LIN54: variants seen among roughly 807,000 people sequenced by gnomAD.
The protein encoded by LIN54 is protein lin-54 homolog.
LIN54 carries 9 observed loss-of-function variants against 78.7 expected under a neutral mutation model. The ratio of observed to expected loss-of-function variants is 0.11; its 90% CI spans 0.07 to 0.20. LIN54 has a LOEUF of 0.20. Among genes scored for constraint, LIN54 ranks in the 10% least tolerant of loss-of-function variants. The probability of loss-of-function intolerance (pLI) is 1.00; values close to 1 mark genes in which losing one functional copy is unlikely to be tolerated. For synonymous variants in LIN54, 269 were observed against 318.4 expected, an observed-to-expected ratio of 0.84 and a Z score of 1.65; for missense variants, 573 against 889.9, an observed-to-expected ratio of 0.64 and a Z score of 4.53.
chr4:82,977,235 T>G (rs1388610938), intron 3 of LIN54, among the ~76,000 whole-genome samples: 1 of 152,172 alleles, frequency 6.6e-6, no homozygotes, highest in Non-Finnish European at 1.5e-5. Flanking sequence ...CACTCCTGGT[T>G]AAGCCCCTCT....
At chr4:82,929,613 T>A (rs972049580) in intron 12 of LIN54, among the ~76,000 whole-genome samples, 5 of 152,048 alleles carry the variant, frequency 3.3e-5, no homozygotes, top group African/African-American at 4.8e-5. Flanking sequence ...AAGACCAGGC[T>A]GGCCAACATA....
chr4:83,000,724 C>T (rs776787845), intron 1 of LIN54, among the ~76,000 whole-genome samples: 10 of 151,740 alleles, frequency 6.6e-5, no homozygotes, highest in Non-Finnish European at 8.8e-5. Flanking sequence ...AAGAGAACCC[C>T]GCTGAGAGAA....
At chr4:82,995,485 A>ATT (rs1553958258) in intron 1 of LIN54, among the ~76,000 whole-genome samples, 15 of 95,046 alleles carry the variant, frequency 1.6e-4, no homozygotes, top group Admixed American at 1.4e-4. Flanking sequence ...ACACATCCTT[A>ATT]TCTCTTTTTT....
At chr4:83,008,750 TATA>T (rs1251705789) in intron 1 of LIN54, among the ~76,000 whole-genome samples, 1 of 152,214 alleles carries the variant, frequency 6.6e-6, no homozygotes, top group African/African-American at 2.4e-5. Flanking sequence ...TCTCTGGTGG[TATA>T]ATTCTTGCTT....
chr4:82,993,786 T>C (rs1412762989), intron 1 of LIN54, among the ~76,000 whole-genome samples: 2 of 151,976 alleles, frequency 1.3e-5, no homozygotes, highest in Non-Finnish European at 2.9e-5. Context: ...CCGGCTACTT[T>C]TGTATTTTTA....
chr4:82,975,389 A>G (rs1048116230), intron 3 of LIN54, among the ~76,000 whole-genome samples: 1 of 152,006 alleles, frequency 6.6e-6, no homozygotes, highest in African/African-American at 2.4e-5. Context: ...TCTTACCACA[A>G]TTTTTTAAAA....
chr4:82,986,192 C>G (rs1164152905), intron 1 of LIN54, among the ~76,000 whole-genome samples: 1 of 151,832 alleles, frequency 6.6e-6, no homozygotes, highest in Non-Finnish European at 1.5e-5. Context: ...CTCGGCTCAC[C>G]GCAACCTCCA....
Position 83,010,668 on chromosome 4 carries a change from G to C in LIN54, c.-217C>G. 8.1e-7 allele frequency: 1 copy of C among 1,231,580 alleles called. No homozygotes were observed. The highest frequency in any genetic ancestry group is 3.2e-5 in the East Asian group (1 of 31,606). 76.3% of individuals were successfully genotyped at this position (1,231,580 alleles called of 1,614,324 possible). ...TACCCGGGGACCGAGAAGGGAGCCG[G>C]GGTGGCGACGTCGCCGTCGCCGCCG... On this transcript the variant is annotated 5_prime_UTR_variant, in exon 1 of 13. Transcript: ENST00000340417.
chr4:82,996,227 A>G (rs144665294), intron 1 of LIN54, among the ~76,000 whole-genome samples: 1 of 152,198 alleles, frequency 6.6e-6, no homozygotes, highest in East Asian at 1.9e-4. Context: ...GAAGCCATGT[A>G]CTAGCACATG....
At chr4:82,943,773 G>A (rs1041795125) in intron 5 of LIN54, among the ~76,000 whole-genome samples, 2 of 151,862 alleles carry the variant, frequency 1.3e-5, no homozygotes, top group African/African-American at 2.4e-5. Flanking sequence ...AGTGGTGAAG[G>A]ACTGCCAGGT....
At chr4:82,978,528 G>A (rs1334200510) in intron 3 of LIN54, among the ~76,000 whole-genome samples, 1 of 152,200 alleles carries the variant, frequency 6.6e-6, no homozygotes, top group Non-Finnish European at 1.5e-5. Flanking sequence ...AAACGGGAAT[G>A]TTATTAGTAC....
chr4:82,971,711 TA>T (rs1457353816), intron 3 of LIN54, among the ~76,000 whole-genome samples: 1 of 152,074 alleles, frequency 6.6e-6, no homozygotes, highest in East Asian at 1.9e-4. Flanking sequence ...AAAGAACTTC[TA>T]ACAAAAATTT....
In LIN54 at chr4:82,939,748, G is replaced by A; in HGVS notation, c.1243-12C>T. 8.7e-6 allele frequency: 14 copies of A among 1,613,666 alleles called. No homozygotes were observed. Among genetic ancestry groups the A allele is most frequent in the Non-Finnish European group, 1.2e-5 (14 of 1,179,636 alleles). ...GGTTTTGGAACAACCTAAAAAGAAG[G>A]GACATATATCAATGACCACAAAATA... is the stretch of plus-strand genomic sequence containing the variant. On this transcript the variant is annotated splice_polypyrimidine_tract_variant and intron_variant, in intron 6 of 12. Coordinates refer to ENST00000340417, the MANE Select transcript of LIN54 (RefSeq NM_194282.4).
intron 1 of LIN54, among the ~76,000 whole-genome samples, chr4:82,991,004 C>T (rs1344768881): frequency 6.6e-6 from 1 of 151,842 alleles, no homozygotes; most frequent in East Asian, 1.9e-4. Context: ...AATGCAAGGA[C>T]CCATGAAGAA....
chr4:82,947,235 A>ATATATATATTT, intron 4 of LIN54, among the ~76,000 whole-genome samples: 14 of 44,284 alleles, frequency 3.2e-4, no homozygotes, highest in South Asian at 2.4e-3. Flanking sequence ...ATATATATAT[A>ATATATATATTT]TTTTTTTTTT....
intron 11 of LIN54, among the ~76,000 whole-genome samples, chr4:82,935,413 C>T (rs1384058697): frequency 6.6e-6 from 1 of 151,758 alleles, no homozygotes; most frequent in Non-Finnish European, 1.5e-5. Context: ...CTCAGCCTCC[C>T]GAGTAGCTGG....
intron 1 of LIN54, among the ~76,000 whole-genome samples, chr4:82,992,776 C>A (rs987168069): frequency 4.6e-5 from 7 of 152,068 alleles, no homozygotes; most frequent in Non-Finnish European, 1.0e-4. Flanking sequence ...CGCCTGTAAT[C>A]CCAGCACTTT....
At chr4:82,988,424 T>C (rs1727358693) in intron 1 of LIN54, among the ~76,000 whole-genome samples, 1 of 152,236 alleles carries the variant, frequency 6.6e-6, no homozygotes, top group African/African-American at 2.4e-5. Flanking sequence ...TGCATTCATC[T>C]GTTAATGGAC....
chr4:82,933,961 G>T (rs1722178570), intron 11 of LIN54, among the ~76,000 whole-genome samples: 1 of 152,132 alleles, frequency 6.6e-6, no homozygotes, highest in South Asian at 2.1e-4. Flanking sequence ...GAAAAGAAGT[G>T]TTAATTTTTA....
Sources: allele counts gnomAD v4.1 joint callset (sites outside exome capture counted in the v4.1 genomes callset), GRCh38; gene constraint gnomAD v4.1.1; transcripts MANE v1.5; gene names NCBI Gene and HGNC (gene_info 2026-07-23, HGNC 2026-07-21).